KLF8: variants seen among roughly 807,000 people sequenced by gnomAD.
KLF8 encodes KLF transcription factor 8, also known as Krueppel-like factor 8.
A neutral mutation model predicts 18.2 loss-of-function variants in KLF8; 10 were observed. The observed-to-expected ratio is 0.55, with a 90% CI of 0.34 to 0.93. KLF8 has a LOEUF of 0.93. Among genes scored for constraint, KLF8 ranks in the 40% least tolerant of loss-of-function variants. The pLI is 0.02. For synonymous variants in KLF8, 109 were observed against 97.3 expected (o/e 1.12, Z -0.71); for missense variants, 264 against 277.9 (o/e 0.95, Z 0.36).
the KLF8 span, among the ~76,000 whole-genome samples, chrX:56,189,087 T>G: frequency 7.4e-4 from 82 of 111,492 alleles, no homozygotes; most frequent in African/African-American, 2.7e-3. Flanking sequence ...ACAGGCAGCA[T>G]ACAAAATGGG....
chrX:55,930,817 T>C, the KLF8 span, among the ~76,000 whole-genome samples: 15 of 111,700 alleles, frequency 1.3e-4, no homozygotes, highest in African/African-American at 4.9e-4. Context: ...TGCATCAATG[T>C]TCATCAGGCA....
chrX:55,998,883 G>A, the KLF8 span, among the ~76,000 whole-genome samples: 1 of 96,596 alleles, frequency 1.0e-5, no homozygotes, highest in East Asian at 3.2e-4. Flanking sequence ...TGTTGCAATT[G>A]CTTTTGGGGA....
At chrX:56,133,657 C>T in the KLF8 span, among the ~76,000 whole-genome samples, 13 of 111,425 alleles carry the variant, frequency 1.2e-4, no homozygotes, top group Middle Eastern at 9.2e-3. Flanking sequence ...GCTGGAAGTC[C>T]TAGCCAGAGC....
chrX:56,230,257 T>A (rs781350670), upstream of KLF8, among the ~76,000 whole-genome samples: 1 of 112,164 alleles, frequency 8.9e-6, no homozygotes, highest in East Asian at 2.8e-4. Context: ...CATTTATTAT[T>A]GATATAAACT....
chrX:55,935,332 C>T, the KLF8 span, among the ~76,000 whole-genome samples: 1 of 111,884 alleles, frequency 8.9e-6, no homozygotes, highest in Non-Finnish European at 1.9e-5. Flanking sequence ...GGTCCATAGA[C>T]CAGCTATAAC....
upstream of KLF8, among the ~76,000 whole-genome samples, chrX:56,228,048 G>A (rs917975101): frequency 2.7e-5 from 3 of 111,687 alleles, no homozygotes; most frequent in African/African-American, 9.8e-5. Context: ...ACATGTTTCT[G>A]GCCCATTGGC....
At chrX:56,177,259 G>A in the KLF8 span, among the ~76,000 whole-genome samples, 4 of 110,868 alleles carry the variant, frequency 3.6e-5, no homozygotes, top group Admixed American at 2.9e-4. Flanking sequence ...TTTGATGATG[G>A]TGACTTACAG....
chrX:55,908,683 G>C, the KLF8 span: 4 of 286,394 alleles, frequency 1.4e-5, no homozygotes, highest in African/African-American at 1.1e-4. Context: ...ACTCAACTAC[G>C]TGTGTAGTCC....
At chrX:56,271,110 A>G (rs1360023421) in intron 5 of KLF8, among the ~76,000 whole-genome samples, 1 of 112,355 alleles carries the variant, frequency 8.9e-6, no homozygotes, top group Non-Finnish European at 1.9e-5. Flanking sequence ...GACTTAAAAT[A>G]TAGGAGAGAA....
chrX:55,928,584 A>G, the KLF8 span, among the ~76,000 whole-genome samples: 9,470 of 108,742 alleles, frequency 0.087, 997 homozygotes, highest in African/African-American at 0.3. Context: ...TCATTGTTCA[A>G]CTCCCACTTA....
chrX:55,947,710 TTTTGTGC>T, the KLF8 span, among the ~76,000 whole-genome samples: 1 of 111,527 alleles, frequency 9.0e-6, no homozygotes, highest in Admixed American at 9.5e-5. Context: ...TTTCTTTGAG[TTTTGTGC>T]CTAAGTCTAA....
the KLF8 span, among the ~76,000 whole-genome samples, chrX:56,022,551 C>CA: frequency 0.062 from 1,675 of 27,081 alleles, 65 homozygotes; most frequent in Admixed American, 0.21. Flanking sequence ...TCTGTCTGAC[C>CA]AAAAAAAAAA....
chrX:56,090,904 A>T, the KLF8 span, among the ~76,000 whole-genome samples: 1 of 111,696 alleles, frequency 9.0e-6, no homozygotes, highest in Non-Finnish European at 1.9e-5. Context: ...GAGTTATTTC[A>T]CTTATGATAG....
chrX:56,208,064 G>A, the KLF8 span, among the ~76,000 whole-genome samples: 1 of 110,800 alleles, frequency 9.0e-6, no homozygotes, highest in Non-Finnish European at 1.9e-5. Flanking sequence ...ACTATCACAA[G>A]AACAGTATGG....
chrX:56,283,720 A>T (rs1031669926), intron 5 of KLF8, among the ~76,000 whole-genome samples: 1 of 112,409 alleles, frequency 8.9e-6, no homozygotes, highest in African/African-American at 3.2e-5. Flanking sequence ...AGGAACGGAT[A>T]TTATAAAGTG....
chrX:56,065,374 C>A, the KLF8 span, among the ~76,000 whole-genome samples: 1 of 111,696 alleles, frequency 9.0e-6, no homozygotes, highest in Admixed American at 9.5e-5. Flanking sequence ...TTGAAACTTA[C>A]AAATATATTT....
chrX:56,259,855 G>A (rs1569183634), intron 2 of KLF8, among the ~76,000 whole-genome samples: 5 of 110,673 alleles, frequency 4.5e-5, no homozygotes, highest in South Asian at 3.9e-4. Flanking sequence ...GAGAATTCTC[G>A]GTTTGATGTG....
the KLF8 span, among the ~76,000 whole-genome samples, chrX:56,090,592 C>G: frequency 9.0e-6 from 1 of 111,556 alleles, no homozygotes. Flanking sequence ...TTTTTATATA[C>G]CTGTTGGCCA....
the KLF8 span, among the ~76,000 whole-genome samples, chrX:56,146,568 G>C: frequency 6.3e-5 from 7 of 110,594 alleles, no homozygotes; most frequent in Non-Finnish European, 1.1e-4. Flanking sequence ...GTCTGGATGT[G>C]GGGGGATTAG....
Sources: gnomAD v4.1 joint callset for allele counts (sites outside exome capture counted in the v4.1 genomes callset) on GRCh38, gnomAD v4.1.1 for gene constraint, MANE v1.5 for transcripts, NCBI Gene and HGNC (gene_info 2026-07-23, HGNC 2026-07-21) for gene names.